CLK1: variants seen among roughly 807,000 people sequenced by gnomAD.
The protein encoded by CLK1 is CDC like kinase 1.
A neutral mutation model predicts 60.9 loss-of-function variants in CLK1; 40 were observed. The observed-to-expected ratio is 0.66, with a 90% CI of 0.51 to 0.86. CLK1 has a LOEUF of 0.86. Among genes scored for constraint, CLK1 ranks in the 40% least tolerant of loss-of-function variants. The pLI is 0.00. For missense variants in CLK1, 563 were observed against 606.1 expected (o/e 0.93, Z 0.75); for synonymous variants, 203 against 184.4 (o/e 1.10, Z -0.82).
chr2:200,863,490 G>C (rs932821152), intron 1 of CLK1, among the ~76,000 whole-genome samples: 1 of 152,102 alleles, frequency 6.6e-6, no homozygotes, highest in Admixed American at 6.5e-5. Flanking sequence ...CCCAGATGTC[G>C]AAGCTGCAGT....
rs1326731850 is a variant in CLK1, at chr2:200,864,646, C to G, written c.-83G>C. The G allele has an allele frequency of 6.1e-6, 1 of 164,234 alleles. No homozygotes were observed. The highest frequency in any genetic ancestry group is 1.3e-5 in the Non-Finnish European group (1 of 75,660). 10.2% of individuals were successfully genotyped at this position (164,234 alleles called of 1,614,324 possible). ...ATCACGCAGCTGACTGCGTCGCGCA[C>G]CAACAACAAAATGGAGCTGACAGCT... On this transcript the variant is annotated 5_prime_UTR_variant, in exon 1 of 13. Coordinates refer to ENST00000321356, the MANE Select transcript of CLK1 (RefSeq NM_004071.4).
rs1443910491 is a variant in CLK1 at position 200,853,971 on chromosome 2, CGTG to C, written c.1240_1242del (p.His414del). The C allele has an allele frequency of 6.2e-7, 1 of 1,609,744 alleles. No homozygotes were observed. Among genetic ancestry groups the C allele is most frequent in the African/African-American group, 1.3e-5 (1 of 74,550 alleles). On this transcript the variant is annotated inframe_deletion, in exon 12 of 13. Coordinates refer to ENST00000321356, the MANE Select transcript of CLK1 (RefSeq NM_004071.4). ...CTGTGTTCATCCCAGTCTAATCGAT[CGTG>C]GTGAAAATATTTACGTTTCCTAAAA... is the stretch of plus-strand genomic sequence containing the variant.
At chr2:200,864,313 A>T in intron 1 of CLK1, 1 of 1,450,694 alleles carries the variant, frequency 6.9e-7, no homozygotes. Flanking sequence ...CGGAGGGCAG[A>T]AGCTCCAAGA....
In CLK1 at chr2:200,853,429, A is replaced by AT; in HGVS notation, c.1331dup (p.Asp444GlufsTer3). The AT allele has an allele frequency of 6.2e-7, 1 of 1,601,870 alleles. No homozygotes were observed. Among genetic ancestry groups the AT allele is most frequent in the Non-Finnish European group, 8.5e-7 (1 of 1,177,250 alleles). ...GGTCAAAGAGACGCTCATGTTCAAC[A>AT]TCTTGAGAAAGCATAAATTCCTGGA... is the stretch of plus-strand genomic sequence containing the variant. On this transcript the variant is annotated frameshift_variant, in exon 13 of 13. Transcript: ENST00000321356. LOFTEE classifies it high-confidence loss of function.
intron 5 of CLK1, among the ~76,000 whole-genome samples, chr2:200,858,439 A>T (rs1165757379): frequency 6.6e-6 from 1 of 152,192 alleles, no homozygotes; most frequent in African/African-American, 2.4e-5. Context: ...TCTCACGCCT[A>T]TAATCCCAGC....
intron 1 of CLK1, among the ~76,000 whole-genome samples, 175 bp from the exon 2 acceptor site, chr2:200,862,037 G>A (rs2039147585): frequency 6.6e-6 from 1 of 151,052 alleles, no homozygotes; most frequent in Admixed American, 6.6e-5. Context: ...ATATTCTGCA[G>A]TTTGAACTTC....
intron 1 of CLK1, among the ~76,000 whole-genome samples, chr2:200,862,798 G>A (rs2039162538): frequency 6.6e-6 from 1 of 152,240 alleles, no homozygotes; most frequent in Admixed American, 6.5e-5. Flanking sequence ...AGTTATATCT[G>A]AGTTGCTGAC....
chr2:200,861,165 A>G, intron 3 of CLK1, 73 bp downstream of exon 3: 1 of 1,548,312 alleles, frequency 6.5e-7, no homozygotes, highest in Non-Finnish European at 8.7e-7. Context: ...TCAAATAATC[A>G]AACACAAAAA....
rs137996026 is a variant in CLK1, at chr2:200,856,807, C to T, written c.932G>A (p.Arg311His). The T allele has an allele frequency of 3.2e-5, 52 of 1,612,708 alleles. No homozygotes were observed. In the East Asian group the frequency reaches 4.9e-4, roughly 15 times the overall value. Residue 311 changes from arginine to histidine, a missense_variant, in exon 9 of 13, where the codon CGT becomes CAT. Coordinates refer to ENST00000321356, the MANE Select transcript of CLK1 (RefSeq NM_004071.4). The part of the protein sequence containing the change: ...YTEAYNPKIK[R>H]DERTLINPDI... ...TGGATTTATTAAGGTGCGTTCATCA[C>T]GTTTCTGAAAATCATAAATGATGGT...
In CLK1 at chr2:200,862,301, A is replaced by C. The variant is rs534231136; in HGVS notation, c.1-439T>G. Among the ~76,000 whole-genome samples, 7 of 152,314 alleles carry C rather than the reference A, an allele frequency of 4.6e-5. No individual in the cohort carries two copies. The South Asian group carries it at 8.3e-4, about 18-fold the overall frequency. ...GATGGCCTGAAGCAACTGAAGATCC[A>C]CAAAAAAAGTAAAAATAGCCTTAAC... On this transcript the variant is annotated intron_variant, in intron 1 of 12. Coordinates refer to ENST00000321356, the MANE Select transcript of CLK1 (RefSeq NM_004071.4).
At position 200,857,772 on chromosome 2, in the gene CLK1, A is replaced by T; in HGVS notation, c.778T>A (p.Phe260Ile). The change falls in exon 7 of 13, where the codon TTT becomes ATT. Residue 260 changes from phenylalanine to isoleucine, a missense_variant. By Grantham distance (21) the Phe-to-Ile change is conservative. This residue lies in a region of CLK1 where 360 missense variants were observed against 407.0 expected (regional missense o/e 0.88). Coordinates refer to ENST00000321356, the MANE Select transcript of CLK1 (RefSeq NM_004071.4). ...ATCTTTCTGATATGATCCAGTCGAA[A>T]TGGTAGAAAACCATTTTCTTTAATG... ...DFIKENGFLP[F>I]RLDHIRKMAY... The T allele has an allele frequency of 6.2e-7, 1 of 1,612,912 alleles. No individual in the cohort carries two copies. The highest frequency in any genetic ancestry group is 1.3e-5 in the African/African-American group (1 of 75,028).
At position 200,861,391 on chromosome 2, in the gene CLK1, G is replaced by A; in HGVS notation, c.237C>T (p.Asp79=). Residue 79 remains aspartate, a synonymous_variant, in exon 3 of 13, where the codon GAC becomes GAT. Coordinates refer to ENST00000321356, the MANE Select transcript of CLK1 (RefSeq NM_004071.4). ...GTCCAGGTTCACATCCTTGAGTGTA[G>A]TCATTTCTGTACTCATCAATGTAGC... ...SRRYIDEYRN[D]YTQGCEPGHR... is the part of the protein sequence containing the mutation. 6.2e-7 allele frequency: 1 copy of A among 1,614,102 alleles called. No homozygotes were observed. Among genetic ancestry groups the A allele is most frequent in the Non-Finnish European group, 8.5e-7 (1 of 1,180,022 alleles).
chr2:200,857,933 A>G, intron 6 of CLK1, 40 bp downstream of exon 6: 1 of 1,611,102 alleles, frequency 6.2e-7, no homozygotes, highest in Non-Finnish European at 8.5e-7. Context: ...TAATTTAAAT[A>G]TACCTGATAC....
chr2:200,855,109 AGGAAAAAAAAT>A, intron 9 of CLK1, 23 bp from the exon 10 acceptor site: 1 of 1,552,350 alleles, frequency 6.4e-7, no homozygotes, highest in Non-Finnish European at 8.7e-7. Context: ...GCAAAATTTA[AGGAAAAAAAAT>A]ACTCAATGTT....
At chr2:200,853,709 T>C (rs1253834297) in intron 12 of CLK1, among the ~76,000 whole-genome samples, 194 bp downstream of exon 12, 1 of 110,518 alleles carries the variant, frequency 9.0e-6, no homozygotes, top group Non-Finnish European at 1.8e-5. Context: ...AAAAAAAGCG[T>C]GGTGGCATCC....
At chr2:200,858,387 A>G (rs1284747828) in intron 5 of CLK1, among the ~76,000 whole-genome samples, 2 of 152,230 alleles carry the variant, frequency 1.3e-5, no homozygotes, top group African/African-American at 4.8e-5. Context: ...GTTAGGATAC[A>G]GTGGGGAAAG....
rs745876196 is a variant in CLK1 at position 200,855,085 on chromosome 2, G to A, written c.1059C>T (p.Ala353=). ...RHYRAPEVIL[A]LGWSQPCDVW... is the part of the protein sequence containing the mutation. ...CATCACATGGTTGGGACCACCCTAG[G>A]GCTGCAAAGCAAAGCAAAATTTAAG... The change falls in exon 10 of 13, where the codon GCC becomes GCT. Residue 353 remains alanine, a splice_region_variant and synonymous_variant. Transcript: ENST00000321356. 3 of 1,594,264 alleles carry A rather than the reference G, an allele frequency of 1.9e-6. No homozygotes were observed. Among genetic ancestry groups the A allele is most frequent in the Non-Finnish European group, 1.7e-6 (2 of 1,174,758 alleles).
intron 10 of CLK1, 74 bp downstream of exon 10, chr2:200,854,930 G>A: frequency 8.9e-7 from 1 of 1,119,302 alleles, no homozygotes; most frequent in Non-Finnish European, 1.3e-6. Context: ...AATGGGGGAA[G>A]CAAAAGTATT....
At position 200,853,916 on chromosome 2, in the gene CLK1, C is replaced by A; in HGVS notation, c.1298G>T (p.Cys433Phe). The change falls in exon 12 of 13, where the codon TGT becomes TTT. Residue 433 changes from cysteine to phenylalanine, a missense_variant. This residue lies in a region of CLK1 where 360 missense variants were observed against 407.0 expected (regional missense o/e 0.88). Transcript: ENST00000321356. ...SSAGRYVSRR[C>F]KPLKEFMLSQ... ...TCAAAGGCTTACCTTCAGAGGTTTA[C>A]AGCGTCTTGAAACATATCTGCCGGC... 4 of 1,610,868 alleles carry A rather than the reference C, an allele frequency of 2.5e-6. No homozygotes were observed. The highest frequency in any genetic ancestry group is 3.4e-6 in the Non-Finnish European group (4 of 1,178,234).
Sources: gnomAD v4.1 joint callset for allele counts (sites outside exome capture counted in the v4.1 genomes callset) on GRCh38, gnomAD v4.1.1 for gene constraint, gnomAD v4.1.1 regional missense constraint, MANE v1.5 for transcripts, NCBI Gene and HGNC (gene_info 2026-07-23, HGNC 2026-07-21) for gene names.